Variants in NBDY observed in about 807,000 individuals in gnomAD.
NBDY encodes the protein P-body dissociating protein.
chrX:56,812,631 A>G (rs2069892888), intron 2 of NBDY, among the ~76,000 whole-genome samples: 1 of 111,025 alleles, frequency 9.0e-6, no homozygotes, highest in African/African-American at 3.3e-5. Context: ...AAAGGACCCC[A>G]TCAATGAGAA....
chrX:56,767,981 G>T lies in NBDY; in HGVS notation c.*166+35782G>T, dbSNP rs764151455. On this transcript the variant is annotated intron_variant, in intron 2 of 2. Coordinates refer to ENST00000374922, the MANE Select transcript of NBDY (RefSeq NM_001348129.2). ...AGGATGGCGCCCTGGCTCCGCAGCT[G>T]TATGTAAGAACGGGCAGGCGGGGCG... Among the ~76,000 whole-genome samples, 9 of 42,791 alleles carry T rather than the reference G, an allele frequency of 2.1e-4. No homozygotes were observed. The East Asian group carries it at 6.4e-3, about 30-fold the overall frequency. 37.2% of individuals were successfully genotyped at this position (42,791 alleles called of 115,157 possible).
intron 2 of NBDY, among the ~76,000 whole-genome samples, chrX:56,734,528 C>T (rs761959520): frequency 8.9e-6 from 1 of 112,382 alleles, no homozygotes. Flanking sequence ...CTGTACAAAG[C>T]AAATTAGCAA....
intron 2 of NBDY, among the ~76,000 whole-genome samples, chrX:56,782,820 G>T (rs2069701709): frequency 9.0e-6 from 1 of 111,528 alleles, no homozygotes. Context: ...ACAGAGGCAG[G>T]CACCCACAGA....
intron 2 of NBDY, among the ~76,000 whole-genome samples, chrX:56,810,354 G>C (rs986720526): frequency 2.7e-5 from 3 of 111,088 alleles, no homozygotes; most frequent in African/African-American, 9.8e-5. Context: ...TTCCAACTTG[G>C]TTCCATTCTC....
At chrX:56,790,391 C>T (rs1206646481) in intron 2 of NBDY, among the ~76,000 whole-genome samples, 1 of 112,121 alleles carries the variant, frequency 8.9e-6, no homozygotes, top group African/African-American at 3.2e-5. Context: ...GAACCACTCT[C>T]ACATCACAAG....
At chrX:56,812,021 G>A (rs1170180067) in intron 2 of NBDY, among the ~76,000 whole-genome samples, 2 of 111,072 alleles carry the variant, frequency 1.8e-5, no homozygotes, top group African/African-American at 6.6e-5. Context: ...CTGACACCTT[G>A]CACTTTCTTG....
intron 2 of NBDY, among the ~76,000 whole-genome samples, chrX:56,735,644 A>G (rs1216493281): frequency 8.9e-6 from 1 of 112,073 alleles, no homozygotes; most frequent in Non-Finnish European, 1.9e-5. Context: ...GTCTCCTTGT[A>G]ATTGTGCACA....
At chrX:56,766,522 T>C (rs1399703468) in intron 2 of NBDY, among the ~76,000 whole-genome samples, 4 of 110,365 alleles carry the variant, frequency 3.6e-5, no homozygotes, top group African/African-American at 1.3e-4. Context: ...ATCAAAGGGG[T>C]AGGGGCCCAA....
intron 2 of NBDY, among the ~76,000 whole-genome samples, chrX:56,808,486 G>A (rs1260809221): frequency 8.9e-6 from 1 of 111,827 alleles, no homozygotes; most frequent in Non-Finnish European, 1.9e-5. Flanking sequence ...TTTTGTCTTG[G>A]GAGAAGGTAC....
chrX:56,797,489 G>A (rs756239957), intron 2 of NBDY, among the ~76,000 whole-genome samples: 2 of 110,111 alleles, frequency 1.8e-5, no homozygotes, highest in South Asian at 7.8e-4. Context: ...CAGCGATGAA[G>A]GTCACCAGTT....
chrX:56,737,891 T>C (rs1369467268), intron 2 of NBDY, among the ~76,000 whole-genome samples: 3 of 111,757 alleles, frequency 2.7e-5, no homozygotes, highest in Non-Finnish European at 5.6e-5. Context: ...TTTCTCTTCC[T>C]CTCCTCCTTC....
At chrX:56,793,191 C>T (rs1042211008) in intron 2 of NBDY, among the ~76,000 whole-genome samples, 2 of 112,478 alleles carry the variant, frequency 1.8e-5, no homozygotes, top group African/African-American at 3.2e-5. Context: ...ACCCTCAGTT[C>T]TGGGGAAAAT....
chrX:56,816,684 C>A (rs889065235), intron 2 of NBDY, among the ~76,000 whole-genome samples: 1 of 109,652 alleles, frequency 9.1e-6, no homozygotes, highest in Non-Finnish European at 1.9e-5. Flanking sequence ...ATTATAAACT[C>A]CAAATCTAAA....
intron 2 of NBDY, among the ~76,000 whole-genome samples, chrX:56,790,396 C>T (rs1241110188): frequency 8.9e-6 from 1 of 112,095 alleles, no homozygotes; most frequent in Non-Finnish European, 1.9e-5. Flanking sequence ...ACTCTCACAT[C>T]ACAAGAGCAG....
chrX:56,782,297 A>C (rs1297330063), intron 2 of NBDY, among the ~76,000 whole-genome samples: 2 of 107,867 alleles, frequency 1.9e-5, no homozygotes, highest in African/African-American at 6.8e-5. Flanking sequence ...TTCCTCCTCC[A>C]TCTTCTCCTC....
intron 2 of NBDY, among the ~76,000 whole-genome samples, chrX:56,787,972 G>A (rs1451677318): frequency 3.5e-5 from 4 of 112,744 alleles, no homozygotes; most frequent in Non-Finnish European, 5.6e-5. Context: ...CCAGCGCCTC[G>A]TCCTGGAGCT....
chrX:56,804,317 G>A (rs1469647553), intron 2 of NBDY, among the ~76,000 whole-genome samples: 1 of 111,973 alleles, frequency 8.9e-6, no homozygotes. Context: ...GTCAGGATGA[G>A]ACTCGACAGA....
chrX:56,729,933 T>A (rs2069448434), intron 1 of NBDY, among the ~76,000 whole-genome samples: 1 of 109,976 alleles, frequency 9.1e-6, no homozygotes, highest in Non-Finnish European at 1.9e-5. Context: ...CTGGGTGATG[T>A]ATATGTAGGG....
At chrX:56,751,154 T>A (rs1602653102) in intron 2 of NBDY, among the ~76,000 whole-genome samples, 2 of 110,908 alleles carry the variant, frequency 1.8e-5, no homozygotes, top group African/African-American at 6.5e-5. Flanking sequence ...TTGGATTTTA[T>A]GTGCCACTAG....
Sources: gnomAD v4.1 joint callset for allele counts (sites outside exome capture counted in the v4.1 genomes callset) on GRCh38, gnomAD v4.1.1 for gene constraint, MANE v1.5 for transcripts, NCBI Gene and HGNC (gene_info 2026-07-23, HGNC 2026-07-21) for gene names.